Variants in SHANK2 observed in about 807,000 individuals in gnomAD.
The protein encoded by SHANK2 is SH3 and multiple ankyrin repeat domains protein 2.
SHANK2 carries 43 observed loss-of-function variants against 133.7 expected under a neutral mutation model. That is an observed-to-expected ratio of 0.32 (90% CI 0.25 to 0.41). The LOEUF (loss-of-function observed/expected upper bound fraction) is 0.41. SHANK2 is among the 10% of genes least tolerant of loss of function. The pLI, the probability that SHANK2 is intolerant of heterozygous loss-of-function variation, is 1.00. For missense variants in SHANK2, 1,994 were observed against 2,235.8 expected, an observed-to-expected ratio of 0.89 and a Z score of 2.18; for synonymous variants, 1,017 against 952.8, an observed-to-expected ratio of 1.07 and a Z score of -1.24.
At position 70,693,939 on chromosome 11, in the gene SHANK2, T is replaced by C. The variant is rs529376285; in HGVS notation, c.1853+4749A>G. Among the ~76,000 whole-genome samples the C allele has an allele frequency of 3.3e-5, 5 of 152,148 alleles. No homozygotes were observed. The East Asian group carries it at 5.8e-4, about 18-fold the overall frequency. On this transcript the variant is annotated intron_variant, in intron 15 of 25. Coordinates refer to ENST00000601538, the MANE Select transcript of SHANK2 (RefSeq NM_012309.5). ...CTGGGTGGATAGATAAATAGGTGGATAGATGAGTGATAGAAAGATAAATGG... is the reference window on the plus strand; with the variant it reads ...CTGGGTGGATAGATAAATAGGTGGACAGATGAGTGATAGAAAGATAAATGG...
chr11:70,884,197 G>C (rs570851317), intron 11 of SHANK2, among the ~76,000 whole-genome samples: 1 of 152,324 alleles, frequency 6.6e-6, no homozygotes, highest in South Asian at 2.1e-4. Flanking sequence ...CACCAGAGAG[G>C]GCTCGGGGCT....
chr11:70,730,810 C>T (rs374459877), intron 14 of SHANK2, among the ~76,000 whole-genome samples: 2 of 145,642 alleles, frequency 1.4e-5, no homozygotes, highest in South Asian at 4.5e-4. Context: ...ATGCCTGGGA[C>T]CTCTCTTTTT....
In SHANK2 at chr11:70,487,491, G is replaced by C. The variant is rs200604911; in HGVS notation, c.2802C>G (p.Pro934=). 3 of 1,613,836 alleles carry C rather than the reference G, an allele frequency of 1.9e-6. No individual in the cohort carries two copies. Among genetic ancestry groups the C allele is most frequent in the African/African-American group, 2.7e-5 (2 of 74,852 alleles). Residue 934 remains proline, a synonymous_variant, in exon 25 of 26, where the codon CCC becomes CCG. Coordinates refer to ENST00000601538, the MANE Select transcript of SHANK2 (RefSeq NM_012309.5). This position sits in a 1 kb window ranked among gnomAD's most constrained non-coding sequence, Gnocchi z 5.8. ...FNQNSAAKVS[P]ATRSDTVATM... is the part of the protein sequence containing the mutation. ...TGGCCACGGTGTCGGACCTGGTGGC[G>C]GGGGACACCTTGGCGGCAGAATTCT...
At chr11:70,666,905 T>C (rs1336718228) in intron 15 of SHANK2, among the ~76,000 whole-genome samples, 1 of 152,054 alleles carries the variant, frequency 6.6e-6, no homozygotes, top group Non-Finnish European at 1.5e-5. Context: ...CCCCAAATGT[T>C]TTCTGAGCTA....
chr11:70,934,269 A>G (rs1319427439), intron 10 of SHANK2, among the ~76,000 whole-genome samples: 1 of 146,400 alleles, frequency 6.8e-6, no homozygotes, highest in Non-Finnish European at 1.5e-5. Flanking sequence ...AAAAAACAGC[A>G]GCAACAACAG....
intron 17 of SHANK2, among the ~76,000 whole-genome samples, chr11:70,607,882 C>T (rs1424758743): frequency 6.6e-5 from 10 of 152,236 alleles, no homozygotes; most frequent in African/African-American, 2.4e-4. Context: ...TCTTGGACAA[C>T]ATATAGCCCC....
intron 2 of SHANK2, among the ~76,000 whole-genome samples, chr11:71,194,990 A>G (rs1555115980): frequency 6.6e-6 from 1 of 152,250 alleles, no homozygotes. Context: ...CTTAAACCTG[A>G]GAACAGACAT....
rs150496629 is a variant in SHANK2 at position 70,897,772 on chromosome 11, G to A, written c.1108-1205C>T. 5.7e-3 allele frequency among the ~76,000 whole-genome samples: 866 copies of A among 152,090 alleles called. 6 individuals carry two copies. Among genetic ancestry groups the A allele is most frequent in the African/African-American group, 0.02 (814 of 41,470 alleles). ...ACTTAGGGCATCTGTAGGCCTCAAA[G>A]GACCTTTCCTTTAGGTCATATTCCT... is the stretch of plus-strand genomic sequence containing the variant. On this transcript the variant is annotated intron_variant, in intron 10 of 25. Coordinates refer to ENST00000601538, the MANE Select transcript of SHANK2 (RefSeq NM_012309.5).
In SHANK2 at chr11:71,163,101, T is replaced by C. The variant is rs1454083394; in HGVS notation, c.-12-15763A>G. Among the ~76,000 whole-genome samples, 4 of 133,196 alleles carry C rather than the reference T, an allele frequency of 3.0e-5. 1 individual carries two copies. The highest frequency in any genetic ancestry group is 2.6e-4 in the South Asian group (1 of 3,796). The allele number at this position is 133,196 out of a possible 152,430, so 87.4% of individuals were successfully genotyped here. A position where few individuals can be genotyped will look rare whatever the true frequency, so the allele number is the denominator to read the frequency against. On this transcript the variant is annotated intron_variant, in intron 2 of 25. Coordinates refer to ENST00000601538, the MANE Select transcript of SHANK2 (RefSeq NM_012309.5). Reference sequence around the variant, plus strand: ...AAAAAAAAAAAAAAAAAAATACATATATATATATATACAGAATAGAAACAA... The same window carrying C: ...AAAAAAAAAAAAAAAAAAATACATACATATATATATACAGAATAGAAACAA...
At chr11:71,061,974 T>TC (rs1456197962) in intron 9 of SHANK2, among the ~76,000 whole-genome samples, 8 of 145,462 alleles carry the variant, frequency 5.5e-5, no homozygotes, top group East Asian at 2.0e-4. Flanking sequence ...TTTCTTTCTT[T>TC]TTTTTTTTTT....
intron 17 of SHANK2, among the ~76,000 whole-genome samples, chr11:70,564,245 A>ATTTTT: frequency 6.7e-6 from 1 of 149,872 alleles, no homozygotes; most frequent in African/African-American, 2.5e-5. Flanking sequence ...TTCTTCAAAT[A>ATTTTT]TTTTTCTTTT....
intron 10 of SHANK2, among the ~76,000 whole-genome samples, chr11:70,921,741 C>T (rs1251420259): frequency 6.6e-6 from 1 of 152,236 alleles, no homozygotes; most frequent in African/African-American, 2.4e-5. Context: ...AGCCTTGACT[C>T]AGCTCAGTCT....
intron 8 of SHANK2, among the ~76,000 whole-genome samples, chr11:71,084,756 C>T (rs1478660796): frequency 6.6e-6 from 1 of 152,208 alleles, no homozygotes; most frequent in Non-Finnish European, 1.5e-5. Context: ...GAGAACCAGG[C>T]TTCTGGTAAG....
chr11:70,626,420 C>T (rs924017932), intron 17 of SHANK2, among the ~76,000 whole-genome samples: 3 of 152,200 alleles, frequency 2.0e-5, no homozygotes, highest in African/African-American at 7.2e-5. Flanking sequence ...CACAGCGAAG[C>T]CTGGTGCTCC....
At chr11:71,154,903 C>G (rs1181880026) in intron 2 of SHANK2, among the ~76,000 whole-genome samples, 2 of 127,554 alleles carry the variant, frequency 1.6e-5, no homozygotes, top group Admixed American at 7.7e-5. Flanking sequence ...CCCGCCCACA[C>G]TCCCAGAGGG....
chr11:71,082,074 C>A (rs1951308442), intron 8 of SHANK2, among the ~76,000 whole-genome samples: 1 of 152,224 alleles, frequency 6.6e-6, no homozygotes, highest in African/African-American at 2.4e-5. Flanking sequence ...CACAATGTCC[C>A]CCCGGAGCCA....
chr11:70,523,466 T>C lies in SHANK2; in HGVS notation c.2062-20535A>G, dbSNP rs138194048. On this transcript the variant is annotated intron_variant, in intron 17 of 25. Transcript: ENST00000601538. The stretch of plus-strand genomic sequence containing the variant: ...AGCAGGGGAGCAGCAGTTCTGGCAG[T>C]CTATCCATGAGAATGCCTGAGGACG... 3.4e-4 allele frequency among the ~76,000 whole-genome samples: 52 copies of C among 152,250 alleles called. 1 individual carries two copies. In the East Asian group the frequency reaches 8.7e-3, roughly 26 times the overall value.
chr11:70,601,611 C>T (rs1000472816), intron 17 of SHANK2, among the ~76,000 whole-genome samples: 3 of 152,168 alleles, frequency 2.0e-5, no homozygotes, highest in Non-Finnish European at 4.4e-5. Flanking sequence ...CTTGGCCTCC[C>T]AAAGTGCTGA....
intron 3 of SHANK2, among the ~76,000 whole-genome samples, chr11:71,123,449 A>G (rs1316997698): frequency 1.3e-5 from 2 of 152,208 alleles, no homozygotes; most frequent in Non-Finnish European, 2.9e-5. Context: ...GCTGCTGCCC[A>G]GGAATACAGA....
Sources: allele counts gnomAD v4.1 joint callset (sites outside exome capture counted in the v4.1 genomes callset), GRCh38; gene constraint gnomAD v4.1.1; non-coding constraint Gnocchi (gnomAD v3.1); transcripts MANE v1.5; gene names NCBI Gene and HGNC (gene_info 2026-07-23, HGNC 2026-07-21).